TRDMT1: variants seen among roughly 807,000 people sequenced by gnomAD.
TRDMT1 encodes tRNA (cytosine(38)-C(5))-methyltransferase.
Under a neutral mutation model 51.2 loss-of-function variants are expected in TRDMT1, and 49 were observed. The observed-to-expected ratio is 0.96, with a 90% CI of 0.76 to 1.21. TRDMT1 has a LOEUF of 1.21. Ranked by LOEUF, TRDMT1 falls within the 50% of genes most tolerant of loss-of-function variation. The pLI is 0.00. For missense variants in TRDMT1, 534 were observed against 462.3 expected (o/e 1.16, Z -1.42); for synonymous variants, 187 against 164.6 (o/e 1.14, Z -1.04).
chr10:17,153,570 G>A lies in TRDMT1; in HGVS notation c.1012C>T (p.Leu338Phe), dbSNP rs139020167. 1.4e-5 allele frequency: 22 copies of A among 1,613,048 alleles called. No homozygotes were observed. Among genetic ancestry groups the A allele is most frequent in the Non-Finnish European group, 1.8e-5 (21 of 1,179,620 alleles). ...QEEQITKLLI[L>F]KLRYFTPKEI... is the part of the protein sequence containing the mutation. ...TTAGGAGTGAAATATCGCAGTTTAA[G>A]TATTAACAGCTTTGTTATCTGTTCT... is the stretch of plus-strand genomic sequence containing the variant. The change falls in exon 10 of 11, where the codon CTT (leucine) becomes TTT (phenylalanine). Residue 338 changes from leucine to phenylalanine, a missense_variant. By Grantham distance (22) the Leu-to-Phe change is conservative (BLOSUM62 0). Transcript: ENST00000377799.
Position 17,146,858 on chromosome 10 carries a change from T to C in TRDMT1, c.*2182A>G, listed in dbSNP as rs1048544450. ...TTATGCATACATATACATCTGCTAA[T>C]TGAATGACACTGGTAGATACATCTT... On this transcript the variant is annotated 3_prime_UTR_variant, in exon 11 of 11. Transcript: ENST00000377799. The C allele has an allele frequency of 4.1e-6, 4 of 985,290 alleles. No homozygotes were observed. Among genetic ancestry groups the C allele is most frequent in the Middle Eastern group, 5.2e-4 (1 of 1,936 alleles). 61.0% of individuals were successfully genotyped at this position (985,290 alleles called of 1,614,324 possible).
intron 1 of TRDMT1, among the ~76,000 whole-genome samples, chr10:17,194,938 A>AG (rs1261313732): frequency 6.9e-6 from 1 of 144,250 alleles, no homozygotes; most frequent in Non-Finnish European, 1.5e-5. Flanking sequence ...GACTCAAAAA[A>AG]AAAAAAAAGT....
rs78524842 is a variant in TRDMT1, at chr10:17,146,563, G to T, written c.*2477C>A. 7,647 of 984,946 alleles carry T rather than the reference G, an allele frequency of 7.8e-3. 461 individuals are homozygous for T. The African/African-American group carries it at 0.12, about 16-fold the overall frequency. 61.0% of individuals were successfully genotyped at this position (984,946 alleles called of 1,614,324 possible). A position where few individuals can be genotyped will look rare whatever the true frequency, so the allele number is the denominator to read the frequency against. On this transcript the variant is annotated 3_prime_UTR_variant, in exon 11 of 11. Transcript: ENST00000377799. The stretch of plus-strand genomic sequence containing the variant: ...AAGACATACTAAAAATATGAAGCAG[G>T]GTAATAAATACCTTACAATTATCTG...
At chr10:17,201,225 G>GTCGCCGT in intron 1 of TRDMT1, 1 of 252,032 alleles carries the variant, frequency 4.0e-6, no homozygotes. Flanking sequence ...CTTCTCGGTG[G>GTCGCCGT]CTGCACACTT....
intron 1 of TRDMT1, among the ~76,000 whole-genome samples, chr10:17,180,481 AGT>A (rs1843143515): frequency 6.8e-6 from 1 of 146,392 alleles, no homozygotes; most frequent in Non-Finnish European, 1.5e-5. Flanking sequence ...TGGAGGTTGC[AGT>A]GAGCCGAGAT....
chr10:17,201,289 G>A (rs1846123960), intron 1 of TRDMT1: 1 of 430,968 alleles, frequency 2.3e-6, no homozygotes, highest in Non-Finnish European at 4.1e-6. Flanking sequence ...ACCCTTTGAG[G>A]TTGATTTACT....
chr10:17,144,977 G>C lies in TRDMT1; in HGVS notation c.*4063C>G. The C allele has an allele frequency of 1.0e-6, 1 of 985,356 alleles. No homozygotes were observed. Among genetic ancestry groups the C allele is most frequent in the Non-Finnish European group, 1.2e-6 (1 of 829,928 alleles). The allele number at this position is 985,356 out of a possible 1,614,324, so 61.0% of individuals were successfully genotyped here. On this transcript the variant is annotated 3_prime_UTR_variant, in exon 11 of 11. Transcript: ENST00000377799. ...AACATGCAAAGGGAGGCTGGGCGTG[G>C]TGGCTCATGCCTGTAAAACCCAGCA...
rs1377409051 is a variant in TRDMT1 at position 17,143,400 on chromosome 10, T to C, written c.*5640A>G. 1 of 985,368 alleles carries C rather than the reference T, an allele frequency of 1.0e-6. No individual in the cohort carries two copies. Among genetic ancestry groups the C allele is most frequent in the Non-Finnish European group, 1.2e-6 (1 of 829,942 alleles). 61.0% of individuals were successfully genotyped at this position (985,368 alleles called of 1,614,324 possible). On this transcript the variant is annotated 3_prime_UTR_variant, in exon 11 of 11. Transcript: ENST00000377799. The stretch of plus-strand genomic sequence containing the variant: ...CGTAACAGCTATTCAGCTTATTGTC[T>C]ACTCATTCATAGGATCAGCTCTTAA...
intron 1 of TRDMT1, among the ~76,000 whole-genome samples, chr10:17,184,996 G>A (rs1018981542): frequency 6.6e-6 from 1 of 152,100 alleles, no homozygotes; most frequent in Admixed American, 6.5e-5. Flanking sequence ...GCTATTTCCA[G>A]TTGCGTGATT....
rs918948375 is a variant in TRDMT1 at position 17,147,191 on chromosome 10, G to A, written c.*1849C>T. ...ATTTAGAATATTTCAGCAGTGAACAGAACCTACATGAAAGTGTGCCAAAAT... is the reference window on the plus strand; with the variant it reads ...ATTTAGAATATTTCAGCAGTGAACAAAACCTACATGAAAGTGTGCCAAAAT... On this transcript the variant is annotated 3_prime_UTR_variant, in exon 11 of 11. Coordinates refer to ENST00000377799, the MANE Select transcript of TRDMT1 (RefSeq NM_004412.7). 3 of 985,684 alleles carry A rather than the reference G, an allele frequency of 3.0e-6. No homozygotes were observed. The highest frequency in any genetic ancestry group is 3.6e-6 in the Non-Finnish European group (3 of 829,926). The allele number at this position is 985,684 out of a possible 1,614,324, so 61.1% of individuals were successfully genotyped here. A position where few individuals can be genotyped will look rare whatever the true frequency, so the allele number is the denominator to read the frequency against.
In TRDMT1 at chr10:17,140,798, A is replaced by G. The variant is rs1023824432; in HGVS notation, c.*8242T>C. Reference sequence around the variant, plus strand: ...AAAATTAAAATGCTATTACTCTAACATAACTGCTATCATTATTTTATTCCA... The same window carrying G: ...AAAATTAAAATGCTATTACTCTAACGTAACTGCTATCATTATTTTATTCCA... On this transcript the variant is annotated 3_prime_UTR_variant, in exon 11 of 11. Coordinates refer to ENST00000377799, the MANE Select transcript of TRDMT1 (RefSeq NM_004412.7). Among the ~76,000 whole-genome samples the G allele has an allele frequency of 5.9e-5, 9 of 152,254 alleles. No homozygotes were observed. Among genetic ancestry groups the G allele is most frequent in the African/African-American group, 2.2e-4 (9 of 41,460 alleles).
Position 17,146,919 on chromosome 10 carries a change from T to C in TRDMT1, c.*2121A>G. 4.1e-6 allele frequency: 4 copies of C among 985,376 alleles called. No individual in the cohort carries two copies. The highest frequency in any genetic ancestry group is 4.8e-6 in the Non-Finnish European group (4 of 829,882). The allele number at this position is 985,376 out of a possible 1,614,324, so 61.0% of individuals were successfully genotyped here. A position where few individuals can be genotyped will look rare whatever the true frequency, so the allele number is the denominator to read the frequency against. ...TGAGTTTTATGCTTGTTACTGCATA[T>C]TTTCAATTATGAATTAAGGGCAAGA... On this transcript the variant is annotated 3_prime_UTR_variant, in exon 11 of 11. Transcript: ENST00000377799.
chr10:17,166,916 G>T (rs1392805327), intron 3 of TRDMT1, among the ~76,000 whole-genome samples: 1 of 152,148 alleles, frequency 6.6e-6, no homozygotes. Flanking sequence ...GCCACCCTGA[G>T]ATGGAATGGC....
intron 3 of TRDMT1, among the ~76,000 whole-genome samples, chr10:17,165,704 A>G (rs1429901261): frequency 7.9e-5 from 12 of 152,128 alleles, no homozygotes; most frequent in Non-Finnish European, 1.6e-4. Context: ...TCAAAAAGTG[A>G]GCAAAGGATA....
At chr10:17,159,351 A>G (rs1839990580) in intron 6 of TRDMT1, 122 bp from the exon 7 acceptor site, 2 of 576,830 alleles carry the variant, frequency 3.5e-6, no homozygotes, top group African/African-American at 1.9e-5. Context: ...CTTCTACCAC[A>G]GCAAAATTTG....
chr10:17,159,646 T>C (rs12360050), intron 6 of TRDMT1, among the ~76,000 whole-genome samples: 63,424 of 152,068 alleles, frequency 0.42, 15,241 homozygotes, highest in South Asian at 0.57. Context: ...GCAATAAATA[T>C]GAAATAAATT....
At chr10:17,181,996 T>G (rs1843339774) in intron 1 of TRDMT1, among the ~76,000 whole-genome samples, 1 of 152,114 alleles carries the variant, frequency 6.6e-6, no homozygotes, top group East Asian at 1.9e-4. Context: ...GAAGCCTCGG[T>G]CAAGTGCCTG....
chr10:17,191,467 G>A (rs558175447), intron 1 of TRDMT1, among the ~76,000 whole-genome samples: 71 of 152,296 alleles, frequency 4.7e-4, no homozygotes, highest in Admixed American at 3.1e-3. Flanking sequence ...GGAAAACTCC[G>A]AAGCGGCAAG....
rs186591209 is a variant in TRDMT1, at chr10:17,163,051, C to G, written c.252-814G>C. ...AACCCGAAGCTAATGGCACTGGTGG[C>G]CAATCTAAGCCAATCAAAGCAGTAG... is the stretch of plus-strand genomic sequence containing the variant. On this transcript the variant is annotated intron_variant, in intron 3 of 10. Transcript: ENST00000377799. 3.3e-5 allele frequency among the ~76,000 whole-genome samples: 5 copies of G among 151,896 alleles called. No homozygotes were observed. In the East Asian group the frequency reaches 9.7e-4, roughly 29 times the overall value.
Sources: gnomAD v4.1 joint callset for allele counts (sites outside exome capture counted in the v4.1 genomes callset) on GRCh38, gnomAD v4.1.1 for gene constraint, MANE v1.5 for transcripts, NCBI Gene and HGNC (gene_info 2026-07-23, HGNC 2026-07-21) for gene names.